DLGAP2: variants seen among roughly 807,000 people sequenced by gnomAD.
DLGAP2 encodes the protein DLG associated protein 2, also known as disks large-associated protein 2.
In DLGAP2, 26 loss-of-function variants were observed where a neutral mutation model predicts 100.3. The observed-to-expected ratio is 0.26, with a 90% confidence interval of 0.19 to 0.36. The LOEUF is 0.36. Ranked by LOEUF, DLGAP2 falls within the 10% of genes least tolerant of loss-of-function variation. The pLI is 1.00. For synonymous variants in DLGAP2, 886 were observed against 630.1 expected (o/e 1.41, Z -6.08); for missense variants, 1,858 against 1,453.2 (o/e 1.28, Z -4.53).
At position 1,678,572 on chromosome 8, in the gene DLGAP2, GAAGGCTGGTGCAAAGAGATGGAGAGA is replaced by G; in HGVS notation, c.2648_2673del (p.Glu883GlyfsTer14). The stretch of plus-strand genomic sequence containing the variant: ...GCTGCACGCAGAGACAAAGAGGATG[GAAGGCTGGTGCAAAGAGATGGAGAGA>G]GAGGCGGAGGAGAACGACCTCTCGG... On this transcript the variant is annotated frameshift_variant, in exon 12 of 15. Coordinates refer to ENST00000637795, the MANE Select transcript of DLGAP2 (RefSeq NM_001346810.2). LOFTEE classifies it high-confidence loss of function. 1 of 1,582,932 alleles carries G rather than the reference GAAGGCTGGTGCAAAGAGATGGAGAGA, an allele frequency of 6.3e-7. No homozygotes were observed. The highest frequency in any genetic ancestry group is 8.6e-7 in the Non-Finnish European group (1 of 1,164,854).
At chr8:1,350,346 GAC>G (rs1563099177) in intron 3 of DLGAP2, among the ~76,000 whole-genome samples, 7 of 91,988 alleles carry the variant, frequency 7.6e-5, no homozygotes, top group Admixed American at 1.2e-4. Flanking sequence ...TGCGGGTCCT[GAC>G]AGTGTGTGGA....
At chr8:850,827 A>T (rs185330687) in intron 1 of DLGAP2, among the ~76,000 whole-genome samples, 6 of 150,862 alleles carry the variant, frequency 4.0e-5, no homozygotes, top group Admixed American at 2.6e-4. Flanking sequence ...AATAGTTAAA[A>T]TTTTTTTTTT....
chr8:1,289,364 G>T (rs1800009545), intron 3 of DLGAP2, among the ~76,000 whole-genome samples: 1 of 152,230 alleles, frequency 6.6e-6, no homozygotes, highest in Non-Finnish European at 1.5e-5. Flanking sequence ...TGGTTTTTCA[G>T]TGGAGATACA....
chr8:861,149 G>C (rs1236063772), intron 1 of DLGAP2, among the ~76,000 whole-genome samples: 1 of 149,280 alleles, frequency 6.7e-6, no homozygotes, highest in African/African-American at 2.5e-5. Context: ...ATGAATGATT[G>C]TGTGTGTTCT....
At chr8:1,670,410 C>G (rs763854703) in intron 10 of DLGAP2, among the ~76,000 whole-genome samples, 2 of 152,220 alleles carry the variant, frequency 1.3e-5, no homozygotes, top group Non-Finnish European at 2.9e-5. Flanking sequence ...CAGGCTTCTC[C>G]TCATCCCCCC....
At chr8:1,257,442 C>G (rs796349883) in intron 2 of DLGAP2, among the ~76,000 whole-genome samples, 3 of 152,140 alleles carry the variant, frequency 2.0e-5, no homozygotes, top group African/African-American at 7.2e-5. Flanking sequence ...TCCACCCCCC[C>G]GCCCCATCCT....
rs1246629271 is a variant in DLGAP2, at chr8:1,686,264, A to G, written c.2705-5271A>G. Among the ~76,000 whole-genome samples, 3 of 152,240 alleles carry G rather than the reference A, an allele frequency of 2.0e-5. 1 individual carries two copies. Among genetic ancestry groups the G allele is most frequent in the African/African-American group, 7.2e-5 (3 of 41,460 alleles). Reference sequence around the variant, plus strand: ...ACAGTGGAATATTATTCAGCCATAAAAAAAGGAATTAAGTCTTGTCATTTG... The same window carrying G: ...ACAGTGGAATATTATTCAGCCATAAGAAAAGGAATTAAGTCTTGTCATTTG... On this transcript the variant is annotated intron_variant, in intron 12 of 14. Transcript: ENST00000637795.
chr8:1,517,314 C>G (rs533221278), intron 4 of DLGAP2, among the ~76,000 whole-genome samples: 1 of 152,246 alleles, frequency 6.6e-6, no homozygotes, highest in African/African-American at 2.4e-5. Context: ...AGTGGCCAGA[C>G]CTAGGCAGGG....
intron 2 of DLGAP2, among the ~76,000 whole-genome samples, chr8:1,148,568 A>AC (rs1796645573): frequency 6.6e-6 from 1 of 151,892 alleles, no homozygotes; most frequent in Non-Finnish European, 1.5e-5. Context: ...TAATACTTCA[A>AC]TTTTTTATGT....
At position 1,540,132 on chromosome 8, in the gene DLGAP2, A is replaced by G. The variant is rs76812646; in HGVS notation, c.173-8494A>G. Among the ~76,000 whole-genome samples the G allele has an allele frequency of 7.8e-3, 1,180 of 152,030 alleles. 14 individuals carry two copies. Among genetic ancestry groups the G allele is most frequent in the African/African-American group, 0.026 (1,083 of 41,434 alleles). The stretch of plus-strand genomic sequence containing the variant: ...GGACGCACCGTGCCTGGAACCCTCC[A>G]CCCAGGACCCTCAGAGATACGTCCT... On this transcript the variant is annotated intron_variant, in intron 4 of 14. Transcript: ENST00000637795.
At chr8:1,494,386 CTT>C (rs1377754689) in intron 3 of DLGAP2, among the ~76,000 whole-genome samples, 2 of 152,234 alleles carry the variant, frequency 1.3e-5, no homozygotes, top group Non-Finnish European at 2.9e-5. Context: ...ATTTCCTCCT[CTT>C]TCTTCCCAAA....
At position 1,042,738 on chromosome 8, in the gene DLGAP2, A is replaced by G. The variant is rs912323526; in HGVS notation, c.73+134772A>G. On this transcript the variant is annotated intron_variant, in intron 2 of 14. Coordinates refer to ENST00000637795, the MANE Select transcript of DLGAP2 (RefSeq NM_001346810.2). The stretch of plus-strand genomic sequence containing the variant: ...TGTGGGTGGTGGATGTGAGTGGTGG[A>G]TGTGGGTCGTGGATGTAGGTGGTGG... Among the ~76,000 whole-genome samples, 34 of 107,524 alleles carry G rather than the reference A, an allele frequency of 3.2e-4. 5 individuals are homozygous for G. The highest frequency in any genetic ancestry group is 7.7e-4 in the South Asian group (2 of 2,592). The allele number at this position is 107,524 out of a possible 152,430, so 70.5% of individuals were successfully genotyped here.
chr8:1,567,001 G>C (rs1802430649), intron 6 of DLGAP2, among the ~76,000 whole-genome samples: 1 of 152,200 alleles, frequency 6.6e-6, no homozygotes, highest in Non-Finnish European at 1.5e-5. Context: ...CCTCCACAGA[G>C]GGTGGTCAGT....
Position 1,247,579 on chromosome 8 carries a change from C to T in DLGAP2, c.74-11272C>T, listed in dbSNP as rs1280066994. ...TCAGTGTGGGAGTGATGGCCCACAT[C>T]GGTGGCCGGGAAGACCTTTGAGATC... On this transcript the variant is annotated intron_variant, in intron 2 of 14. Coordinates refer to ENST00000637795, the MANE Select transcript of DLGAP2 (RefSeq NM_001346810.2). Among the ~76,000 whole-genome samples, 10 of 26,062 alleles carry T rather than the reference C, an allele frequency of 3.8e-4. 3 individuals carry two copies. The highest frequency in any genetic ancestry group is 8.1e-4 in the Admixed American group (2 of 2,460). The allele number at this position is 26,062 out of a possible 152,430, so 17.1% of individuals were successfully genotyped here. A position where few individuals can be genotyped will look rare whatever the true frequency, so the allele number is the denominator to read the frequency against.
At chr8:1,096,039 G>C (rs905865289) in intron 2 of DLGAP2, among the ~76,000 whole-genome samples, 8 of 152,204 alleles carry the variant, frequency 5.3e-5, no homozygotes, top group South Asian at 4.1e-4. Flanking sequence ...AAAATATTCA[G>C]TGTAAACATT....
intron 2 of DLGAP2, among the ~76,000 whole-genome samples, chr8:1,070,818 G>A (rs566010758): frequency 1.4e-4 from 21 of 152,280 alleles, no homozygotes; most frequent in African/African-American, 3.9e-4. Context: ...GGCCGTCTGC[G>A]TATTCTGAGC....
intron 3 of DLGAP2, among the ~76,000 whole-genome samples, chr8:1,282,602 C>T (rs1799839563): frequency 8.0e-6 from 1 of 125,178 alleles, no homozygotes. Context: ...GTGACCTGAA[C>T]CCAGCACGTG....
At chr8:785,498 C>A (rs1821828274) in intron 1 of DLGAP2, among the ~76,000 whole-genome samples, 1 of 142,264 alleles carries the variant, frequency 7.0e-6, no homozygotes, top group African/African-American at 2.6e-5. Flanking sequence ...AGACCAGCTT[C>A]CCTCCTCCCC....
intron 2 of DLGAP2, among the ~76,000 whole-genome samples, chr8:1,083,754 T>G (rs1803883465): frequency 6.6e-6 from 1 of 152,206 alleles, no homozygotes; most frequent in Non-Finnish European, 1.5e-5. Flanking sequence ...AGTACACGAT[T>G]CAGCAATTAC....
Sources: gnomAD v4.1 joint callset for allele counts (sites outside exome capture counted in the v4.1 genomes callset) on GRCh38, gnomAD v4.1.1 for gene constraint, MANE v1.5 for transcripts, NCBI Gene and HGNC (gene_info 2026-07-23, HGNC 2026-07-21) for gene names.